Variants in SGPL1 observed in about 807,000 individuals in gnomAD.
The protein encoded by SGPL1 is SP-lyase 1.
SGPL1 carries 37 observed loss-of-function variants against 68.9 expected under a neutral mutation model. The observed-to-expected ratio is 0.54, with a 90% CI of 0.41 to 0.71. The LOEUF is 0.71. Ranked by LOEUF, SGPL1 falls within the 30% of genes least tolerant of loss-of-function variation. The pLI is 0.00. For missense variants in SGPL1, 551 were observed against 704.6 expected (o/e 0.78, Z 2.47); for synonymous variants, 236 against 248.5 (o/e 0.95, Z 0.47).
At chr10:70,864,285 C>G (rs1164075118) in intron 7 of SGPL1, among the ~76,000 whole-genome samples, 1 of 152,156 alleles carries the variant, frequency 6.6e-6, no homozygotes, top group Admixed American at 6.5e-5. Flanking sequence ...GACTTCCAAC[C>G]ATCGCAGTCA....
chr10:70,874,522 C>T (rs1846352181), intron 12 of SGPL1, among the ~76,000 whole-genome samples: 1 of 152,266 alleles, frequency 6.6e-6, no homozygotes, highest in African/African-American at 2.4e-5. Context: ...GTCCAGAGTT[C>T]AAGACCAGCC....
intron 6 of SGPL1, among the ~76,000 whole-genome samples, chr10:70,858,586 C>T (rs1195533242): frequency 6.6e-6 from 1 of 152,170 alleles, no homozygotes; most frequent in Non-Finnish European, 1.5e-5. Context: ...GTGTAATGCT[C>T]TGATCTTCTG....
At chr10:70,873,117 G>T (rs189105693) in intron 11 of SGPL1, among the ~76,000 whole-genome samples, 1 of 152,144 alleles carries the variant, frequency 6.6e-6, no homozygotes. Context: ...TTAACTGGGC[G>T]CTGTTCTTCC....
intron 3 of SGPL1, among the ~76,000 whole-genome samples, chr10:70,844,857 G>A (rs1589457419): frequency 6.6e-6 from 1 of 151,994 alleles, no homozygotes; most frequent in Non-Finnish European, 1.5e-5. Flanking sequence ...CTCCTACCTC[G>A]GCCTCCCGAG....
chr10:70,857,719 G>C (rs750233432), intron 6 of SGPL1, 29 bp downstream of exon 6: 1 of 1,505,776 alleles, frequency 6.6e-7, no homozygotes, highest in Non-Finnish European at 9.1e-7. Context: ...AGGGAAGCCT[G>C]TGAGGTCTGT....
intron 5 of SGPL1, among the ~76,000 whole-genome samples, chr10:70,855,656 A>G (rs568114982): frequency 2.0e-5 from 3 of 152,238 alleles, no homozygotes; most frequent in Non-Finnish European, 4.4e-5. Context: ...CATTATTGCT[A>G]TTATTAACTC....
intron 2 of SGPL1, among the ~76,000 whole-genome samples, chr10:70,839,692 T>C (rs1438833978): frequency 6.6e-6 from 1 of 152,120 alleles, no homozygotes; most frequent in Non-Finnish European, 1.5e-5. Context: ...CTAAGAATTA[T>C]AAGTATATAT....
intron 2 of SGPL1, among the ~76,000 whole-genome samples, chr10:70,822,923 T>A (rs1239524221): frequency 6.6e-6 from 1 of 151,346 alleles, no homozygotes; most frequent in Non-Finnish European, 1.5e-5. Flanking sequence ...CTAAAGATAA[T>A]CTTCATCTCA....
chr10:70,826,836 C>T (rs1255668314), intron 2 of SGPL1, among the ~76,000 whole-genome samples: 1 of 152,082 alleles, frequency 6.6e-6, no homozygotes, highest in Non-Finnish European at 1.5e-5. Context: ...TTCATGCGAT[C>T]CATGTTATTG....
At chr10:70,856,999 T>C (rs1345427386) in intron 5 of SGPL1, among the ~76,000 whole-genome samples, 1 of 152,256 alleles carries the variant, frequency 6.6e-6, no homozygotes, top group African/African-American at 2.4e-5. Flanking sequence ...ATCTTGAATA[T>C]GCTACAGCGT....
At chr10:70,868,258 T>C in intron 7 of SGPL1, 87 bp from the exon 8 acceptor site, 3 of 933,828 alleles carry the variant, frequency 3.2e-6, no homozygotes, top group South Asian at 3.3e-5. Context: ...CTTATCTGTT[T>C]CTGTATCAAA....
At chr10:70,827,421 G>A (rs1845456545) in intron 2 of SGPL1, among the ~76,000 whole-genome samples, 1 of 152,040 alleles carries the variant, frequency 6.6e-6, no homozygotes, top group Non-Finnish European at 1.5e-5. Context: ...GTTACTAGGT[G>A]CATTCAGATT....
rs370302327 is a variant in SGPL1 at position 70,875,554 on chromosome 10, C to G, written c.1445+6C>G. ...CAGTTGCAGTTCCCACCCAGGTAAG[C>G]TTGAAGAAGCCTCTTTCCCTTATTT... On this transcript the variant is annotated splice_donor_region_variant and intron_variant, in intron 13 of 14. Transcript: ENST00000373202. The G allele has an allele frequency of 6.2e-7, 1 of 1,601,860 alleles. No homozygotes were observed. The highest frequency in any genetic ancestry group is 1.3e-5 in the African/African-American group (1 of 74,694).
At chr10:70,850,037 CATTG>C (rs1459816105) in intron 3 of SGPL1, among the ~76,000 whole-genome samples, 2 of 152,122 alleles carry the variant, frequency 1.3e-5, no homozygotes, top group Admixed American at 1.3e-4. Flanking sequence ...AGTCGAGATA[CATTG>C]ATTGTGAATG....
At chr10:70,864,255 G>A (rs1463145324) in intron 7 of SGPL1, among the ~76,000 whole-genome samples, 2 of 152,016 alleles carry the variant, frequency 1.3e-5, no homozygotes, top group Admixed American at 6.6e-5. Context: ...GGGTTACTCC[G>A]CTTTTCATAT....
chr10:70,855,858 G>T (rs1191246170), intron 5 of SGPL1, among the ~76,000 whole-genome samples: 1 of 152,132 alleles, frequency 6.6e-6, no homozygotes, highest in African/African-American at 2.4e-5. Context: ...CATTGGTACA[G>T]TGCTATTAAC....
intron 2 of SGPL1, among the ~76,000 whole-genome samples, chr10:70,834,551 TAAGC>T (rs1407583859): frequency 6.6e-6 from 1 of 152,238 alleles, no homozygotes; most frequent in Non-Finnish European, 1.5e-5. Flanking sequence ...CTTTCTTTTG[TAAGC>T]AAATAAGTAG....
intron 2 of SGPL1, among the ~76,000 whole-genome samples, chr10:70,823,111 A>C (rs1439293370): frequency 6.6e-6 from 1 of 152,030 alleles, no homozygotes; most frequent in Non-Finnish European, 1.5e-5. Flanking sequence ...AACACTTAGG[A>C]GTTAAAGCAA....
At chr10:70,819,425 A>G (rs1845297367) in intron 2 of SGPL1, among the ~76,000 whole-genome samples, 1 of 152,214 alleles carries the variant, frequency 6.6e-6, no homozygotes, top group Admixed American at 6.5e-5. Flanking sequence ...TAACTGGTAA[A>G]GAACCAATAA....
Sources: gnomAD v4.1 joint callset for allele counts (sites outside exome capture counted in the v4.1 genomes callset) on GRCh38, gnomAD v4.1.1 for gene constraint, MANE v1.5 for transcripts, NCBI Gene and HGNC (gene_info 2026-07-23, HGNC 2026-07-21) for gene names.